CAMTA1: variants seen among roughly 807,000 people sequenced by gnomAD.
The protein encoded by CAMTA1 is calmodulin binding transcription activator 1.
CAMTA1 carries 27 observed loss-of-function variants against 170.9 expected under a neutral mutation model. That is an observed-to-expected ratio of 0.16 (90% CI 0.12 to 0.22). The LOEUF (loss-of-function observed/expected upper bound fraction) is 0.22. Among genes scored for constraint, CAMTA1 ranks in the 10% least tolerant of loss-of-function variants. The probability of loss-of-function intolerance (pLI) is 1.00; values close to 1 mark genes in which losing one functional copy is unlikely to be tolerated. For missense variants in CAMTA1, 1,619 were observed against 2,217.2 expected (o/e 0.73, Z 5.42); for synonymous variants, 833 against 891.5 (o/e 0.93, Z 1.17).
intron 21 of CAMTA1, among the ~76,000 whole-genome samples, chr1:7,753,709 C>A (rs2096913271): frequency 6.6e-6 from 1 of 152,250 alleles, no homozygotes; most frequent in East Asian, 1.9e-4. Flanking sequence ...ATCATAAAAA[C>A]TTAAAAAACG....
intron 4 of CAMTA1, among the ~76,000 whole-genome samples, chr1:7,208,087 C>G (rs535642522): frequency 6.6e-6 from 1 of 152,234 alleles, no homozygotes; most frequent in Non-Finnish European, 1.5e-5. Flanking sequence ...CAACAGCACA[C>G]CCTCCAGGCA....
chr1:6,959,977 A>G (rs889015980), intron 3 of CAMTA1, among the ~76,000 whole-genome samples: 3 of 152,174 alleles, frequency 2.0e-5, no homozygotes, highest in Admixed American at 1.3e-4. Context: ...GTGCCTGTTC[A>G]TCATTGTATC....
chr1:7,607,312 G>GTAGGTGGGTGGATGGTTGGATGGAATGT (rs2095493889), intron 6 of CAMTA1, among the ~76,000 whole-genome samples: 1 of 149,914 alleles, frequency 6.7e-6, no homozygotes, highest in Non-Finnish European at 1.5e-5. Flanking sequence ...GGATGGAATG[G>GTAGGTGGGTGGATGGTTGGATGGAATGT]TAGGTGGGTG....
intron 3 of CAMTA1, among the ~76,000 whole-genome samples, chr1:7,086,733 C>T (rs571093953): frequency 4.6e-5 from 7 of 152,290 alleles, no homozygotes; most frequent in East Asian, 3.9e-4. Flanking sequence ...ATGTAGTAGC[C>T]GGTATTAGAA....
At chr1:7,028,849 C>T (rs964112913) in intron 3 of CAMTA1, among the ~76,000 whole-genome samples, 3 of 152,210 alleles carry the variant, frequency 2.0e-5, no homozygotes, top group Middle Eastern at 3.4e-3. Flanking sequence ...AGAGACAATA[C>T]GCAAATTGTA....
At chr1:6,922,713 A>G (rs1162427400) in intron 3 of CAMTA1, among the ~76,000 whole-genome samples, 1 of 152,136 alleles carries the variant, frequency 6.6e-6, no homozygotes, top group Non-Finnish European at 1.5e-5. Context: ...CATTAAGGCC[A>G]GCCTGTATTC....
chr1:7,208,051 C>G (rs1190372093), intron 4 of CAMTA1, among the ~76,000 whole-genome samples: 1 of 152,280 alleles, frequency 6.6e-6, no homozygotes. Context: ...GGAAGCCTCT[C>G]TCTCCATGCT....
At chr1:7,223,052 G>T (rs138790333) in intron 4 of CAMTA1, among the ~76,000 whole-genome samples, 1 of 152,154 alleles carries the variant, frequency 6.6e-6, no homozygotes, top group African/African-American at 2.4e-5. Flanking sequence ...GATGACCAAC[G>T]CTCTTGTTCC....
At chr1:7,103,098 C>T (rs1249287705) in intron 4 of CAMTA1, among the ~76,000 whole-genome samples, 2 of 151,854 alleles carry the variant, frequency 1.3e-5, no homozygotes, top group East Asian at 3.9e-4. Context: ...GGGCTGCCTT[C>T]CAGAGGGGCT....
At chr1:7,713,617 G>A (rs948816208) in intron 11 of CAMTA1, among the ~76,000 whole-genome samples, 3 of 152,170 alleles carry the variant, frequency 2.0e-5, no homozygotes, top group African/African-American at 7.2e-5. Flanking sequence ...AACATTTTGT[G>A]TTTGCTGATC....
chr1:7,084,785 G>T (rs2148060447), intron 3 of CAMTA1, among the ~76,000 whole-genome samples: 1 of 152,340 alleles, frequency 6.6e-6, no homozygotes, highest in Admixed American at 6.5e-5. Flanking sequence ...CTGAGACACG[G>T]CTGAGCCCAG....
At chr1:7,758,176 G>A (rs374904222) in intron 22 of CAMTA1, among the ~76,000 whole-genome samples, 12 of 152,110 alleles carry the variant, frequency 7.9e-5, no homozygotes, top group Non-Finnish European at 1.3e-4. Flanking sequence ...ACATTTTTAC[G>A]GGAGGTGGTT....
At chr1:6,994,118 T>G (rs1169225449) in intron 3 of CAMTA1, among the ~76,000 whole-genome samples, 1 of 152,322 alleles carries the variant, frequency 6.6e-6, no homozygotes, top group African/African-American at 2.4e-5. Flanking sequence ...TATCTTAATT[T>G]CTTCATGCTA....
intron 5 of CAMTA1, among the ~76,000 whole-genome samples, chr1:7,290,399 A>G (rs1361926124): frequency 1.3e-5 from 2 of 152,216 alleles, no homozygotes; most frequent in African/African-American, 4.8e-5. Context: ...AGATTTGGAA[A>G]GAGAGATATA....
intron 1 of CAMTA1, among the ~76,000 whole-genome samples, chr1:6,799,956 C>A (rs370513697): frequency 2.4e-4 from 37 of 152,202 alleles, no homozygotes; most frequent in African/African-American, 7.9e-4. Context: ...ATAACTGTAT[C>A]TTTTCCTTTT....
chr1:6,890,599 C>G (rs1197933403), intron 3 of CAMTA1, among the ~76,000 whole-genome samples: 1 of 151,498 alleles, frequency 6.6e-6, no homozygotes. Flanking sequence ...TGAAGTCTCA[C>G]TCTATTGCCC....
intron 11 of CAMTA1, chr1:7,693,301 G>A (rs1220633650): frequency 1.3e-5 from 2 of 152,218 alleles, no homozygotes; most frequent in Non-Finnish European, 2.9e-5. Flanking sequence ...CTCGTGAGAT[G>A]TATTCACTAT....
intron 5 of CAMTA1, among the ~76,000 whole-genome samples, chr1:7,319,546 C>A (rs1441576985): frequency 6.6e-6 from 1 of 152,140 alleles, no homozygotes. Context: ...AACCGTGAGC[C>A]AATTAAACCT....
At position 7,658,386 on chromosome 1, in the gene CAMTA1, C is replaced by T. The variant is rs910782070; in HGVS notation, c.665-3340C>T. Among the ~76,000 whole-genome samples the T allele has an allele frequency of 4.6e-5, 7 of 152,148 alleles. 1 individual carries two copies. In the East Asian group the frequency reaches 5.8e-4, roughly 13 times the overall value. On this transcript the variant is annotated intron_variant, in intron 7 of 22. Coordinates refer to ENST00000303635, the MANE Select transcript of CAMTA1 (RefSeq NM_015215.4). ...TGCGTGTTCTCCCATCCTAACGGCA[C>T]GTGAGGAGCCTCTGCAGAGCTCTAA...
Sources: gnomAD v4.1 joint callset for allele counts (sites outside exome capture counted in the v4.1 genomes callset) on GRCh38, gnomAD v4.1.1 for gene constraint, MANE v1.5 for transcripts, NCBI Gene and HGNC (gene_info 2026-07-23, HGNC 2026-07-21) for gene names.